Variants in PGM1 observed in about 807,000 individuals in gnomAD.
The protein encoded by PGM1 is phosphoglucomutase-1.
Under a neutral mutation model 55.6 loss-of-function variants are expected in PGM1, and 52 were observed. The ratio of observed to expected loss-of-function variants is 0.94; its 90% CI spans 0.75 to 1.18. The LOEUF is 1.18. Ranked by LOEUF, PGM1 falls within the 50% of genes most tolerant of loss-of-function variation. The pLI, the probability that PGM1 is intolerant of heterozygous loss-of-function variation, is 0.00. For synonymous variants in PGM1, 287 were observed against 271.7 expected, an observed-to-expected ratio of 1.06 and a Z score of -0.55; for missense variants, 724 against 729.3, an observed-to-expected ratio of 0.99 and a Z score of 0.08.
chr1:63,623,448 G>A, intron 1 of PGM1: 2 of 1,609,746 alleles, frequency 1.2e-6, no homozygotes, highest in South Asian at 1.1e-5. Context: ...GAGCCAGTCG[G>A]TGGAAGTGAA....
At chr1:63,601,356 C>T (rs1648237221) in intron 1 of PGM1, among the ~76,000 whole-genome samples, 1 of 152,136 alleles carries the variant, frequency 6.6e-6, no homozygotes, top group Non-Finnish European at 1.5e-5. Context: ...ATGACTGGCT[C>T]AAAATAATTT....
At chr1:63,629,872 G>T in intron 2 of PGM1, 70 bp from the exon 3 acceptor site, 2 of 1,555,922 alleles carry the variant, frequency 1.3e-6, no homozygotes, top group South Asian at 2.2e-5. Flanking sequence ...AGGAACTGAT[G>T]AGCTTTGGAT....
intron 1 of PGM1, among the ~76,000 whole-genome samples, chr1:63,621,152 A>T (rs955430666): frequency 2.0e-5 from 3 of 151,956 alleles, no homozygotes; most frequent in Admixed American, 1.3e-4. Flanking sequence ...TAGGGCAAGG[A>T]TTATGTTCTT....
chr1:63,643,893 AG>A (rs1649585572), intron 7 of PGM1, among the ~76,000 whole-genome samples: 1 of 152,212 alleles, frequency 6.6e-6, no homozygotes, highest in Non-Finnish European at 1.5e-5. Context: ...CTTTCCAGGC[AG>A]TGAGAACTGT....
At chr1:63,640,336 G>A (rs1250472942) in intron 7 of PGM1, among the ~76,000 whole-genome samples, 1 of 152,154 alleles carries the variant, frequency 6.6e-6, no homozygotes. Flanking sequence ...AAGAATACTA[G>A]TTCCATGAGA....
chr1:63,658,813 C>T (rs1472902916), intron 10 of PGM1, among the ~76,000 whole-genome samples: 1 of 151,760 alleles, frequency 6.6e-6, no homozygotes, highest in Admixed American at 6.6e-5. Context: ...AAAGACATAC[C>T]TGAGACTGGG....
At chr1:63,597,494 C>T (rs923488699) in intron 1 of PGM1, among the ~76,000 whole-genome samples, 1 of 152,220 alleles carries the variant, frequency 6.6e-6, no homozygotes, top group African/African-American at 2.4e-5. Flanking sequence ...CAACGTGATG[C>T]AGATATGAGC....
Position 63,629,451 on chromosome 1 carries a change from T to C in PGM1, c.273T>C (p.Asn91=), listed in dbSNP as rs1262590959. The change falls in exon 2 of 11, where the codon AAT becomes AAC. Residue 91 remains asparagine (N), a synonymous_variant. Coordinates refer to ENST00000371084, the MANE Select transcript of PGM1 (RefSeq NM_002633.3). The part of the protein sequence containing the change: ...NGIGRLVIGQ[N]GILSTPAVSC... ...TCGGTCGCTTGGTTATCGGACAGAATGGAATCCTCTCCACCCCTGCTGTAT... is the reference window on the plus strand; with the variant it reads ...TCGGTCGCTTGGTTATCGGACAGAACGGAATCCTCTCCACCCCTGCTGTAT... 1.2e-6 allele frequency: 2 copies of C among 1,613,628 alleles called. No homozygotes were observed. The highest frequency in any genetic ancestry group is 1.1e-5 in the South Asian group (1 of 91,080).
At chr1:63,640,767 G>A (rs1233092400) in intron 7 of PGM1, among the ~76,000 whole-genome samples, 1 of 152,108 alleles carries the variant, frequency 6.6e-6, no homozygotes, top group Admixed American at 6.5e-5. Context: ...TCTTCAGGCC[G>A]TCCATCTTTG....
chr1:63,622,337 G>A (rs1479686317), intron 1 of PGM1, among the ~76,000 whole-genome samples: 1 of 152,080 alleles, frequency 6.6e-6, no homozygotes, highest in Non-Finnish European at 1.5e-5. Context: ...GAACACACAT[G>A]TATGTATTTA....
chr1:63,603,828 CCTGTGGTCA>C (rs1363622287), intron 1 of PGM1, among the ~76,000 whole-genome samples: 3 of 152,272 alleles, frequency 2.0e-5, no homozygotes, highest in Non-Finnish European at 2.9e-5. Flanking sequence ...TGAGCAGGGG[CCTGTGGTCA>C]CTGGGTGAAA....
chr1:63,636,304 C>T lies in PGM1; in HGVS notation c.944C>T (p.Ala315Val), dbSNP rs1478562313. The change falls in exon 6 of 11, where the codon GCC (alanine) becomes GTC (valine). Residue 315 changes from alanine to valine, a missense_variant. By Grantham distance (64) the Ala-to-Val change is moderately conservative. Around this residue, in one of 3 missense-constraint regions of PGM1, gnomAD observed 29 missense variants for 58.7 expected, o/e 0.49. Transcript: ENST00000371084. ...TCAGACTCTGTGGCTGTCATTGCTG[C>T]CAACATCTTCAGCATTCCGTATTTC... ...NPSDSVAVIA[A>V]NIFSIPYFQQ... The T allele has an allele frequency of 1.9e-6, 3 of 1,614,066 alleles. No homozygotes were observed. In the Admixed American group the frequency reaches 5.0e-5, roughly 27 times the overall value.
chr1:63,623,173 G>T (rs1342384520), intron 1 of PGM1: 27 of 1,180,750 alleles, frequency 2.3e-5, no homozygotes, highest in Non-Finnish European at 2.8e-5. Flanking sequence ...AAAAATAATT[G>T]AAGGGTATTT....
At chr1:63,638,891 C>A in intron 7 of PGM1, 91 bp downstream of exon 7, 1 of 908,780 alleles carries the variant, frequency 1.1e-6, no homozygotes, top group Non-Finnish European at 1.9e-6. Context: ...GAAATACCAA[C>A]GGTAGCCGAT....
At chr1:63,613,393 GTGACAGCAGGACCA>G (rs1648621103) in intron 1 of PGM1, among the ~76,000 whole-genome samples, 1 of 151,262 alleles carries the variant, frequency 6.6e-6, no homozygotes, top group South Asian at 2.1e-4. Context: ...TGAAATCGAG[GTGACAGCAGGACCA>G]TGCTCCCTCT....
intron 7 of PGM1, among the ~76,000 whole-genome samples, chr1:63,640,250 GT>G (rs1248863838): frequency 1.3e-5 from 2 of 152,144 alleles, no homozygotes; most frequent in African/African-American, 4.8e-5. Context: ...CTGTTCTCCT[GT>G]ACCAGTATCA....
Position 63,629,974 on chromosome 1 carries a change from T to C in PGM1, c.442T>C (p.Phe148Leu). 6.2e-7 allele frequency: 1 copy of C among 1,614,056 alleles called. No individual in the cohort carries two copies. The highest frequency in any genetic ancestry group is 8.5e-7 in the Non-Finnish European group (1 of 1,179,960). ...TCCAGAAGCAATAACTGATAAAATT[T>C]TCCAAATCAGCAAGACAATTGAAGA... ...PAPEAITDKI[F>L]QISKTIEEYA... The change falls in exon 3 of 11, where the codon TTC becomes CTC. Residue 148 changes from phenylalanine (F) to leucine (L), a missense_variant. This residue lies in a region of PGM1 where 379 missense variants were observed against 357.5 expected (regional missense o/e 1.06). Transcript: ENST00000371084.
At chr1:63,637,093 A>G (rs563270149) in intron 6 of PGM1, among the ~76,000 whole-genome samples, 3 of 152,328 alleles carry the variant, frequency 2.0e-5, no homozygotes, top group East Asian at 1.9e-4. Flanking sequence ...TTTGATGAAT[A>G]AAAGGTAAAG....
chr1:63,615,966 C>G (rs1263079882), intron 1 of PGM1, among the ~76,000 whole-genome samples: 1 of 152,074 alleles, frequency 6.6e-6, no homozygotes, highest in African/African-American at 2.4e-5. Flanking sequence ...TGAAGCACTG[C>G]CCCTTACGAG....
Sources: allele counts gnomAD v4.1 joint callset (sites outside exome capture counted in the v4.1 genomes callset), GRCh38; gene constraint gnomAD v4.1.1; regional missense constraint gnomAD v4.1.1; transcripts MANE v1.5; gene names NCBI Gene and HGNC (gene_info 2026-07-23, HGNC 2026-07-21).